The following OVCH2 variants were observed in gnomAD, a reference collection of about 807,000 sequenced individuals.
OVCH2 encodes ovochymase-2.
OVCH2 carries 88 observed loss-of-function variants against 73.7 expected under a neutral mutation model. The observed-to-expected ratio is 1.19, with a 90% CI of 1.01 to 1.43. The LOEUF is 1.43. Among genes scored for constraint, OVCH2 ranks in the 40% most tolerant of loss-of-function variants. The pLI is 0.00. For missense variants in OVCH2, 706 were observed against 674.5 expected, an observed-to-expected ratio of 1.05 and a Z score of -0.52; for synonymous variants, 265 against 234.5, an observed-to-expected ratio of 1.13 and a Z score of -1.19.
the OVCH2 span, among the ~76,000 whole-genome samples, chr11:7,680,136 T>C: frequency 1.3e-5 from 2 of 152,204 alleles, no homozygotes; most frequent in African/African-American, 4.8e-5. Context: ...GGAACCCCAC[T>C]TCATAGCCAA....
At position 7,695,637 on chromosome 11, in the gene OVCH2, A is replaced by T. The variant is rs752911433; in HGVS notation, c.1215T>A (p.Ser405=). 33 of 1,610,994 alleles carry T rather than the reference A, an allele frequency of 2.0e-5. No homozygotes were observed. The Admixed American group carries it at 3.8e-4, about 19-fold the overall frequency. The change falls in exon 11 of 16, where the codon TCT becomes TCA. Residue 405 remains serine, a synonymous_variant. Coordinates refer to ENST00000533663, the MANE Select transcript of OVCH2 (RefSeq NM_198185.7). ...GSNSLRLKFV[S]DATDNAAGFN... ...ACCCAGCTGCATTATCTGTGGCATC[A>T]GAGACGAATTTCAGCCTTAGAGAAT...
rs1435210364 is a variant in OVCH2 at position 7,700,339 on chromosome 11, G to A, written c.858C>T (p.Asp286=). 1.9e-6 allele frequency: 3 copies of A among 1,613,900 alleles called. No homozygotes were observed. Among genetic ancestry groups the A allele is most frequent in the Non-Finnish European group, 2.5e-6 (3 of 1,179,856 alleles). ...GGATCCAGGGAAGCACTTTACTAATGTCTGTGAAGATCCCAGGGGATCCTT... is the reference window on the plus strand; with the variant it reads ...GGATCCAGGGAAGCACTTTACTAATATCTGTGAAGATCCCAGGGGATCCTT... ...SDQGSPGIFT[D]ISKVLPWIHE... The change falls in exon 7 of 16, where the codon GAC becomes GAT. Residue 286 remains aspartate (D), a synonymous_variant. Transcript: ENST00000533663.
Position 7,695,302 on chromosome 11 carries a change from T to G in OVCH2, c.1283-114A>C, listed in dbSNP as rs190364331. 4.7e-6 allele frequency: 6 copies of G among 1,288,732 alleles called. No individual in the cohort carries two copies. In the African/African-American group the frequency reaches 9.1e-5, roughly 19 times the overall value. The allele number at this position is 1,288,732 out of a possible 1,614,324, so 79.8% of individuals were successfully genotyped here. A position where few individuals can be genotyped will look rare whatever the true frequency, so the allele number is the denominator to read the frequency against. Reference sequence around the variant, plus strand: ...GCATATCAATTGCATTTTCAGACACTGCGAACAAGAAAAGACGTAGTGCAT... The same window carrying G: ...GCATATCAATTGCATTTTCAGACACGGCGAACAAGAAAAGACGTAGTGCAT... On this transcript the variant is annotated intron_variant, in intron 11 of 15. Coordinates refer to ENST00000533663, the MANE Select transcript of OVCH2 (RefSeq NM_198185.7).
Position 7,696,370 on chromosome 11 carries a change from AT to A in OVCH2, c.1141+94del. The A allele has an allele frequency of 2.6e-6, 4 of 1,512,824 alleles. No individual in the cohort carries two copies. The South Asian group carries it at 5.1e-5, about 19-fold the overall frequency. 93.7% of individuals were successfully genotyped at this position (1,512,824 alleles called of 1,614,324 possible). Reference sequence around the variant, plus strand: ...CAAAGCGGAAGTCAAGAAGTGTGGCATTTACAGATGGCTGAGTGCCAGACAT... The same window carrying A: ...CAAAGCGGAAGTCAAGAAGTGTGGCATTACAGATGGCTGAGTGCCAGACAT... On this transcript the variant is annotated intron_variant, in intron 10 of 15. Transcript: ENST00000533663.
chr11:7,683,825 T>G, the OVCH2 span, among the ~76,000 whole-genome samples: 1 of 152,132 alleles, frequency 6.6e-6, no homozygotes, highest in African/African-American at 2.4e-5. Flanking sequence ...CTCTAACCCT[T>G]ATTATCTGCA....
At position 7,690,096 on chromosome 11, in the gene OVCH2, T is replaced by C. The variant is rs1026575776; in HGVS notation, c.1640-83A>G. ...TTTATCAGAAAATGATTTATGAAGC[T>C]ATTGTTAGAATTCTGGGGCACCTCA... On this transcript the variant is annotated intron_variant, in intron 14 of 15. Coordinates refer to ENST00000533663, the MANE Select transcript of OVCH2 (RefSeq NM_198185.7). The C allele has an allele frequency of 3.8e-6, 4 of 1,048,786 alleles. No homozygotes were observed. In the African/African-American group the frequency reaches 6.4e-5, roughly 17 times the overall value. The allele number at this position is 1,048,786 out of a possible 1,614,324, so 65.0% of individuals were successfully genotyped here.
In OVCH2 at chr11:7,706,438, G is replaced by A. The variant is rs181308554; in HGVS notation, c.-44C>T. 75 of 1,528,908 alleles carry A rather than the reference G, an allele frequency of 4.9e-5. No homozygotes were observed. In the African/African-American group the frequency reaches 8.9e-4, roughly 18 times the overall value. 94.7% of individuals were successfully genotyped at this position (1,528,908 alleles called of 1,614,324 possible). A position where few individuals can be genotyped will look rare whatever the true frequency, so the allele number is the denominator to read the frequency against. ...TCCCTGAAATTTTAGAGAGACTAAAGCAAACAAAAATAGGAAGCCTTGAGA... is the reference window on the plus strand; with the variant it reads ...TCCCTGAAATTTTAGAGAGACTAAAACAAACAAAAATAGGAAGCCTTGAGA... On this transcript the variant is annotated 5_prime_UTR_variant, in exon 1 of 16. Transcript: ENST00000533663.
chr11:7,693,555 A>G (rs1341791555), intron 12 of OVCH2, among the ~76,000 whole-genome samples: 1 of 152,190 alleles, frequency 6.6e-6, no homozygotes, highest in Non-Finnish European at 1.5e-5. Context: ...TGGCTCTGGC[A>G]TTTTCAGATT....
At chr11:7,686,652 G>A (rs2136147266), downstream of OVCH2, among the ~76,000 whole-genome samples, 2 of 152,296 alleles carry the variant, frequency 1.3e-5, no homozygotes, top group South Asian at 4.1e-4. Flanking sequence ...TCTGCAGGAA[G>A]AAAGGAAATC....
chr11:7,692,834 C>A (rs564500567), intron 12 of OVCH2, among the ~76,000 whole-genome samples: 1 of 152,268 alleles, frequency 6.6e-6, no homozygotes, highest in East Asian at 1.9e-4. Context: ...TCATGACAAA[C>A]CTTTTCTCAT....
chr11:7,691,655 A>T (rs1267093530), intron 13 of OVCH2, among the ~76,000 whole-genome samples: 1 of 152,146 alleles, frequency 6.6e-6, no homozygotes, highest in East Asian at 1.9e-4. Context: ...GTTTCAATGG[A>T]ACTTTCCCTT....
chr11:7,689,136 T>C (rs1486433987), downstream of OVCH2, among the ~76,000 whole-genome samples: 1 of 152,214 alleles, frequency 6.6e-6, no homozygotes, highest in Admixed American at 6.5e-5. Flanking sequence ...GCAGCAGTAA[T>C]TAAAATTCCT....
chr11:7,680,117 G>A, the OVCH2 span, among the ~76,000 whole-genome samples: 1 of 152,202 alleles, frequency 6.6e-6, no homozygotes, highest in Non-Finnish European at 1.5e-5. Flanking sequence ...ATCTGAGGAG[G>A]GAGTCATGGG....
rs34942314 is a variant in OVCH2, at chr11:7,689,546, C to T, written c.*88G>A. ...CTGAGGGCTGTGACGAGGAGTCTGCCCCAAGCCTCTCCTCTAGCTTCTGGT... is the reference window on the plus strand; with the variant it reads ...CTGAGGGCTGTGACGAGGAGTCTGCTCCAAGCCTCTCCTCTAGCTTCTGGT... On this transcript the variant is annotated 3_prime_UTR_variant, in exon 16 of 16. Coordinates refer to ENST00000533663, the MANE Select transcript of OVCH2 (RefSeq NM_198185.7). 57,789 of 448,350 alleles carry T rather than the reference C, an allele frequency of 0.13. 4,139 individuals are homozygous for T. Among genetic ancestry groups the T allele is most frequent in the African/African-American group, 0.21 (10,316 of 50,198 alleles). 27.8% of individuals were successfully genotyped at this position (448,350 alleles called of 1,614,324 possible). A position where few individuals can be genotyped will look rare whatever the true frequency, so the allele number is the denominator to read the frequency against.
At chr11:7,685,906 A>G (rs1348494338), downstream of OVCH2, among the ~76,000 whole-genome samples, 1 of 152,184 alleles carries the variant, frequency 6.6e-6, no homozygotes, top group African/African-American at 2.4e-5. Flanking sequence ...AACCCCAGGT[A>G]TCTTGCTGGA....
At position 7,696,580 on chromosome 11, in the gene OVCH2, G is replaced by A. The variant is rs1353555225; in HGVS notation, c.1026C>T (p.Val342=). The A allele has an allele frequency of 1.2e-6, 2 of 1,614,036 alleles. No individual in the cohort carries two copies. The highest frequency in any genetic ancestry group is 1.7e-6 in the Non-Finnish European group (2 of 1,179,902). ...TTTCCTCTGGTACCAGCAGGGTCCA[G>A]ACACACCGTCTGTAGGCAGATCATG... ...HLYYESKQRC[V]WTLLVPEEMH... The change falls in exon 10 of 16, where the codon GTC becomes GTT. Residue 342 remains valine (V), a synonymous_variant. Transcript: ENST00000533663.
At chr11:7,691,861 A>G (rs1466764341) in intron 13 of OVCH2, 41 bp downstream of exon 13, 4 of 1,494,672 alleles carry the variant, frequency 2.7e-6, no homozygotes, top group Non-Finnish European at 3.6e-6. Context: ...GACTGGGTCC[A>G]AACACAAACC....
At chr11:7,705,737 C>T (rs1159444822) in intron 1 of OVCH2, 2 of 152,278 alleles carry the variant, frequency 1.3e-5, no homozygotes, top group African/African-American at 4.8e-5. Flanking sequence ...TTGAATGAGT[C>T]ATAAATACTT....
In OVCH2 at chr11:7,695,097, A is replaced by G; in HGVS notation, c.1374T>C (p.Cys458=). 1 of 1,551,440 alleles carries G rather than the reference A, an allele frequency of 6.4e-7. No homozygotes were observed. Among genetic ancestry groups the G allele is most frequent in the Non-Finnish European group, 8.7e-7 (1 of 1,147,022 alleles). The change falls in exon 12 of 16, where the codon TGT becomes TGC. Residue 458 remains cysteine, a synonymous_variant. Transcript: ENST00000533663. The stretch of plus-strand genomic sequence containing the variant: ...GTTTGGAGGCTTGAAAAATCCAGTC[A>G]CAGTTAGCCTTGTCACTGTAGTTTT... ...YPENYSDKAN[C]DWIFQASKHH... is the part of the protein sequence containing the mutation.
Sources: gnomAD v4.1 joint callset for allele counts (sites outside exome capture counted in the v4.1 genomes callset) on GRCh38, gnomAD v4.1.1 for gene constraint, MANE v1.5 for transcripts, NCBI Gene and HGNC (gene_info 2026-07-23, HGNC 2026-07-21) for gene names.